The following MGST2 variants were observed in gnomAD, a reference collection of about 807,000 sequenced individuals.
MGST2 encodes the protein microsomal glutathione S-transferase 2, also known as glutathione peroxidase MGST2.
MGST2 carries 9 observed loss-of-function variants against 16.6 expected under a neutral mutation model. The observed-to-expected ratio is 0.54, with a 90% CI of 0.33 to 0.95. MGST2 has a LOEUF of 0.95. Ranked by LOEUF, MGST2 falls within the 40% of genes least tolerant of loss-of-function variation. The pLI, the probability that MGST2 is intolerant of heterozygous loss-of-function variation, is 0.03. For missense variants in MGST2, 159 were observed against 175.1 expected (o/e 0.91, Z 0.52); for synonymous variants, 79 against 68.0 (o/e 1.16, Z -0.79).
intron 3 of MGST2, among the ~76,000 whole-genome samples, chr4:139,702,320 C>T (rs1413843552): frequency 1.3e-5 from 2 of 152,130 alleles, no homozygotes; most frequent in East Asian, 3.9e-4. Flanking sequence ...AGAAAGTGTC[C>T]TCCTGCTTCT....
In MGST2 at chr4:139,715,237, T is replaced by C. The variant is rs1315899145; in HGVS notation, c.*48+11041T>C. ...TTCTTTACCCAGGTACCCCACCACT[T>C]ACCCAAAGTCTTCCAATCAGTGCTG... On this transcript the variant is annotated intron_variant, in intron 5 of 5. Coordinates refer to the MGST2 transcript ENST00000616265. The surrounding 1 kb of genome is among the most constrained non-coding windows in gnomAD (Gnocchi z 4.4). 6.6e-6 allele frequency among the ~76,000 whole-genome samples: 1 copy of C among 152,168 alleles called. No homozygotes were observed. The highest frequency in any genetic ancestry group is 1.5e-5 in the Non-Finnish European group (1 of 68,026).
chr4:139,682,343 A>G (rs972511353), intron 2 of MGST2, among the ~76,000 whole-genome samples: 1 of 152,090 alleles, frequency 6.6e-6, no homozygotes, highest in Non-Finnish European at 1.5e-5. Context: ...CAATAAAGCT[A>G]TGGGTGTAGG....
At chr4:139,753,341 A>ATCT in the MGST2 span, among the ~76,000 whole-genome samples, 6 of 146,576 alleles carry the variant, frequency 4.1e-5, no homozygotes, top group East Asian at 6.1e-4. Context: ...TTTTCTTTTT[A>ATCT]ATCTATCTAT....
chr4:139,682,963 C>T (rs1463226967), intron 2 of MGST2, among the ~76,000 whole-genome samples: 1 of 152,204 alleles, frequency 6.6e-6, no homozygotes, highest in African/African-American at 2.4e-5. Context: ...CACCCACGAG[C>T]TGGAGACCAG....
chr4:139,683,115 CCT>C, intron 2 of MGST2, among the ~76,000 whole-genome samples: 1 of 152,334 alleles, frequency 6.6e-6, no homozygotes, highest in East Asian at 1.9e-4. Flanking sequence ...CAAGTTTCAT[CCT>C]GGACCAGCAG....
At chr4:139,669,729 G>C (rs1730569426) in intron 1 of MGST2, among the ~76,000 whole-genome samples, 1 of 152,258 alleles carries the variant, frequency 6.6e-6, no homozygotes, top group Non-Finnish European at 1.5e-5. Context: ...ACAAAAGGCA[G>C]ATTAACAGGA....
At chr4:139,684,545 G>A (rs1731448361) in intron 2 of MGST2, among the ~76,000 whole-genome samples, 1 of 152,218 alleles carries the variant, frequency 6.6e-6, no homozygotes, top group Non-Finnish European at 1.5e-5. Flanking sequence ...ATTAGAGAGT[G>A]ACGTGGAAGC....
At chr4:139,717,094 G>C (rs1728004134) in intron 5 of MGST2, 1 of 152,374 alleles carries the variant, frequency 6.6e-6, no homozygotes. Flanking sequence ...GATATCTGCA[G>C]TATTGTAAAA....
At chr4:139,667,577 G>A (rs1244126579) in intron 1 of MGST2, among the ~76,000 whole-genome samples, 1 of 152,112 alleles carries the variant, frequency 6.6e-6, no homozygotes, top group East Asian at 1.9e-4. Flanking sequence ...CAAGGTGTTA[G>A]GGCCGGGCAC....
At chr4:139,711,057 T>C (rs1374597508) in intron 5 of MGST2, among the ~76,000 whole-genome samples, 2 of 151,480 alleles carry the variant, frequency 1.3e-5, no homozygotes, top group Non-Finnish European at 2.9e-5. Flanking sequence ...TCTGTCACCC[T>C]GGTTGGAGTG....
At chr4:139,678,755 T>C (rs1241551186) in intron 2 of MGST2, 113 bp downstream of exon 2, 1 of 846,250 alleles carries the variant, frequency 1.2e-6, no homozygotes, top group African/African-American at 1.7e-5. Flanking sequence ...AATATCTAGT[T>C]ATAACAAGTC....
intron 5 of MGST2, among the ~76,000 whole-genome samples, chr4:139,732,950 A>C (rs1203987091): frequency 6.6e-6 from 1 of 152,230 alleles, no homozygotes; most frequent in Non-Finnish European, 1.5e-5. Context: ...TAATAAAAAG[A>C]TCTTACACTA....
intron 2 of MGST2, among the ~76,000 whole-genome samples, chr4:139,684,406 G>A (rs977354991): frequency 5.3e-5 from 8 of 152,188 alleles, no homozygotes; most frequent in African/African-American, 1.9e-4. Flanking sequence ...AGAGGACTGA[G>A]CCCTGATGGC....
chr4:139,676,820 A>G (rs572226977), intron 1 of MGST2, among the ~76,000 whole-genome samples: 1 of 152,284 alleles, frequency 6.6e-6, no homozygotes, highest in Admixed American at 6.5e-5. Context: ...TTTACCCAAG[A>G]TAGATTTCTT....
intron 5 of MGST2, among the ~76,000 whole-genome samples, chr4:139,724,941 G>A (rs1728405117): frequency 6.6e-6 from 1 of 152,018 alleles, no homozygotes; most frequent in Non-Finnish European, 1.5e-5. Context: ...TGCATTTTTA[G>A]AGAGACAGGG....
At chr4:139,673,897 G>A (rs866139513) in intron 1 of MGST2, among the ~76,000 whole-genome samples, 2 of 152,150 alleles carry the variant, frequency 1.3e-5, no homozygotes, top group African/African-American at 2.4e-5. Context: ...GAAGGTATAG[G>A]AAAGATAATA....
intron 5 of MGST2, among the ~76,000 whole-genome samples, chr4:139,713,184 A>G (rs1033406697): frequency 6.6e-5 from 10 of 152,174 alleles, no homozygotes; most frequent in African/African-American, 2.4e-4. Flanking sequence ...TAGTTATTTC[A>G]CAGCAAAGCT....
chr4:139,728,836 C>A (rs2110982259), intron 5 of MGST2, among the ~76,000 whole-genome samples: 1 of 152,318 alleles, frequency 6.6e-6, no homozygotes, highest in South Asian at 2.1e-4. Context: ...TGTGGGAACA[C>A]CCTTGGGCTG....
At chr4:139,688,843 G>A (rs771492462) in intron 2 of MGST2, among the ~76,000 whole-genome samples, 138 of 152,150 alleles carry the variant, frequency 9.1e-4, no homozygotes, top group Non-Finnish European at 1.6e-3. Context: ...GCAGTGGCCC[G>A]TGCCTGTAAT....
Sources: allele counts gnomAD v4.1 joint callset (sites outside exome capture counted in the v4.1 genomes callset), GRCh38; gene constraint gnomAD v4.1.1; non-coding constraint Gnocchi (gnomAD v3.1); transcripts MANE v1.5; gene names NCBI Gene and HGNC (gene_info 2026-07-23, HGNC 2026-07-21).